Variants in DYNC1I1 observed in about 807,000 individuals in gnomAD.
DYNC1I1 encodes cytoplasmic dynein 1 intermediate chain 1.
A neutral mutation model predicts 86.6 loss-of-function variants in DYNC1I1; 43 were observed. The observed-to-expected ratio is 0.50, with a 90% confidence interval of 0.39 to 0.64. The LOEUF (loss-of-function observed/expected upper bound fraction) is 0.64, where lower values mean the gene tolerates loss of function less well. DYNC1I1 is among the 30% of genes least tolerant of loss of function. The pLI is 0.00. For synonymous variants in DYNC1I1, 262 were observed against 283.7 expected (o/e 0.92, Z 0.77); for missense variants, 604 against 788.8 (o/e 0.77, Z 2.81).
At chr7:96,106,070 T>G (rs1249397743) in intron 16 of DYNC1I1, among the ~76,000 whole-genome samples, 1 of 152,230 alleles carries the variant, frequency 6.6e-6, no homozygotes, top group Non-Finnish European at 1.5e-5. Flanking sequence ...GTTATTTTAT[T>G]AATTTGTTCA....
chr7:95,810,168 G>T (rs780318024), intron 2 of DYNC1I1, among the ~76,000 whole-genome samples: 1 of 152,046 alleles, frequency 6.6e-6, no homozygotes, highest in African/African-American at 2.4e-5. Context: ...TTCATCCCAC[G>T]TGATAGAAGC....
intron 6 of DYNC1I1, among the ~76,000 whole-genome samples, chr7:95,892,305 C>T (rs1229131523): frequency 6.6e-6 from 1 of 151,648 alleles, no homozygotes; most frequent in Non-Finnish European, 1.5e-5. Flanking sequence ...CGCCACCATG[C>T]CCAGCTAATT....
intron 5 of DYNC1I1, among the ~76,000 whole-genome samples, chr7:95,850,986 C>T (rs925602890): frequency 2.0e-5 from 3 of 152,120 alleles, no homozygotes; most frequent in African/African-American, 7.2e-5. Context: ...CTCTGTCACC[C>T]AGGCTGGAGT....
intron 14 of DYNC1I1, among the ~76,000 whole-genome samples, chr7:96,069,229 C>A (rs1790090257): frequency 6.6e-6 from 1 of 152,128 alleles, no homozygotes; most frequent in Non-Finnish European, 1.5e-5. Flanking sequence ...ACCACTCAGC[C>A]ATGGTAAAAA....
chr7:95,785,554 T>C (rs1328236326), intron 1 of DYNC1I1, among the ~76,000 whole-genome samples: 1 of 151,986 alleles, frequency 6.6e-6, no homozygotes, highest in Non-Finnish European at 1.5e-5. Context: ...TAATGTACTC[T>C]GACGGTTTTT....
chr7:96,048,303 C>T (rs1789282318), intron 14 of DYNC1I1, among the ~76,000 whole-genome samples: 1 of 152,164 alleles, frequency 6.6e-6, no homozygotes, highest in Non-Finnish European at 1.5e-5. Context: ...CAGGAATCTC[C>T]TGAATCTGAC....
At chr7:95,804,199 A>G in intron 1 of DYNC1I1, 1 of 236,116 alleles carries the variant, frequency 4.2e-6, no homozygotes, top group Non-Finnish European at 7.9e-6. Context: ...TCCCTGATGC[A>G]AATAATGTTA....
At chr7:95,903,796 G>A (rs186589635) in intron 6 of DYNC1I1, among the ~76,000 whole-genome samples, 1 of 152,150 alleles carries the variant, frequency 6.6e-6, no homozygotes. Flanking sequence ...GCTGTGTGAG[G>A]GTACAACCAA....
At chr7:95,960,707 G>T (rs182569775) in intron 6 of DYNC1I1, among the ~76,000 whole-genome samples, 2 of 152,178 alleles carry the variant, frequency 1.3e-5, no homozygotes, top group South Asian at 4.1e-4. Context: ...GATCCAGAAA[G>T]TTTGACTCCT....
chr7:95,853,165 T>C (rs760241419), intron 5 of DYNC1I1, among the ~76,000 whole-genome samples: 4 of 152,224 alleles, frequency 2.6e-5, no homozygotes, highest in Non-Finnish European at 4.4e-5. Flanking sequence ...TGCTATGGTT[T>C]AAATGTTTGT....
intron 16 of DYNC1I1, among the ~76,000 whole-genome samples, chr7:96,084,465 G>A (rs42076): frequency 0.84 from 116,723 of 139,062 alleles, 49,018 homozygotes; most frequent in Middle Eastern, 0.93. Flanking sequence ...TTTTTGAGAC[G>A]GAGTTTTGCT....
intron 5 of DYNC1I1, among the ~76,000 whole-genome samples, chr7:95,845,988 T>A (rs1789414456): frequency 6.6e-6 from 1 of 152,176 alleles, no homozygotes; most frequent in Non-Finnish European, 1.5e-5. Flanking sequence ...TTCATTCAAT[T>A]TCAGAAAGAT....
At chr7:95,914,950 TTAAGA>T (rs1791430330) in intron 6 of DYNC1I1, among the ~76,000 whole-genome samples, 1 of 152,240 alleles carries the variant, frequency 6.6e-6, no homozygotes, top group African/African-American at 2.4e-5. Flanking sequence ...TGCTTTTTAA[TTAAGA>T]TGAGACTTTT....
intron 16 of DYNC1I1, among the ~76,000 whole-genome samples, chr7:96,081,084 G>GAAAAGAAAAT (rs1244869197): frequency 1.8e-4 from 16 of 88,796 alleles, no homozygotes; most frequent in African/African-American, 8.4e-4. Context: ...AAAAGAAAAA[G>GAAAAGAAAAT]AAAAGAAAAG....
intron 6 of DYNC1I1, among the ~76,000 whole-genome samples, chr7:95,962,210 A>G (rs1031609831): frequency 2.0e-5 from 3 of 152,194 alleles, no homozygotes; most frequent in Admixed American, 6.5e-5. Context: ...AGCTAAGCTC[A>G]TGCTTGCAGC....
chr7:95,963,912 T>C (rs753253124), intron 6 of DYNC1I1, among the ~76,000 whole-genome samples: 1 of 152,138 alleles, frequency 6.6e-6, no homozygotes, highest in Non-Finnish European at 1.5e-5. Flanking sequence ...GGAAAATCAG[T>C]TTCTTGGATT....
intron 10 of DYNC1I1, among the ~76,000 whole-genome samples, chr7:96,026,378 T>G (rs1280569676): frequency 6.6e-6 from 1 of 152,148 alleles, no homozygotes; most frequent in Non-Finnish European, 1.5e-5. Flanking sequence ...CTGTTTTATT[T>G]TTTTTAATAG....
chr7:95,836,252 G>A (rs2115979304), intron 5 of DYNC1I1, among the ~76,000 whole-genome samples: 1 of 152,222 alleles, frequency 6.6e-6, no homozygotes, highest in East Asian at 1.9e-4. Flanking sequence ...GGCTGGATAT[G>A]AAATTCTGGG....
intron 1 of DYNC1I1, among the ~76,000 whole-genome samples, chr7:95,792,026 T>C (rs1378802105): frequency 1.3e-5 from 2 of 152,246 alleles, no homozygotes; most frequent in African/African-American, 2.4e-5. Flanking sequence ...AGTGAAAATA[T>C]GCACAATATG....
Sources: allele counts gnomAD v4.1 joint callset (sites outside exome capture counted in the v4.1 genomes callset), GRCh38; gene constraint gnomAD v4.1.1; transcripts MANE v1.5; gene names NCBI Gene and HGNC (gene_info 2026-07-23, HGNC 2026-07-21).